Variants in CRPPA observed in about 807,000 individuals in gnomAD.
CRPPA encodes the protein CDP-L-ribitol pyrophosphorylase A.
In CRPPA, 43 loss-of-function variants were observed where a neutral mutation model predicts 52.0. That is an observed-to-expected ratio of 0.83 (90% confidence interval 0.65 to 1.07). The LOEUF is 1.07. CRPPA is among the 50% of genes least tolerant of loss of function. The pLI, the probability that CRPPA is intolerant of heterozygous loss-of-function variation, is 0.00. For synonymous variants in CRPPA, 250 were observed against 203.5 expected (o/e 1.23, Z -1.94); for missense variants, 629 against 551.7 (o/e 1.14, Z -1.40).
chr7:16,390,660 G>C (rs1235146779), intron 2 of CRPPA, among the ~76,000 whole-genome samples: 3 of 152,134 alleles, frequency 2.0e-5, no homozygotes, highest in African/African-American at 7.2e-5. Context: ...AAAAAACTTA[G>C]ACAAGTTTGC....
chr7:16,398,380 T>C (rs370786002), intron 2 of CRPPA, among the ~76,000 whole-genome samples: 213 of 114,306 alleles, frequency 1.9e-3, no homozygotes, highest in African/African-American at 8.3e-3. Flanking sequence ...CAGGGCATGA[T>C]TGACATGTGA....
chr7:16,250,618 C>T (rs955992425), intron 8 of CRPPA, among the ~76,000 whole-genome samples: 3 of 152,120 alleles, frequency 2.0e-5, no homozygotes, highest in South Asian at 4.1e-4. Flanking sequence ...CATATCCAGC[C>T]AAACTAAGCT....
intron 8 of CRPPA, among the ~76,000 whole-genome samples, chr7:16,249,014 G>A (rs1310454169): frequency 6.6e-6 from 1 of 152,126 alleles, no homozygotes; most frequent in Non-Finnish European, 1.5e-5. Context: ...AGATCGACCT[G>A]GGATGCTTGA....
rs1206296972 is a variant in CRPPA, at chr7:16,286,087, TAAAAAAA to T, written c.836-7868_836-7862del. ...TATATATATATATATATATAATATT[TAAAAAAA>T]AAAATATATATATATATATATATGC... is the stretch of plus-strand genomic sequence containing the variant. On this transcript the variant is annotated intron_variant, in intron 5 of 9. Transcript: ENST00000407010. Among the ~76,000 whole-genome samples, 5 of 15,516 alleles carry T rather than the reference TAAAAAAA, an allele frequency of 3.2e-4. 2 individuals carry two copies. The highest frequency in any genetic ancestry group is 1.7e-3 in the African/African-American group (5 of 2,934). 10.2% of individuals were successfully genotyped at this position (15,516 alleles called of 152,430 possible).
At chr7:16,391,501 T>C (rs1787445388) in intron 2 of CRPPA, among the ~76,000 whole-genome samples, 1 of 152,178 alleles carries the variant, frequency 6.6e-6, no homozygotes, top group South Asian at 2.1e-4. Flanking sequence ...CATGATGAGT[T>C]AGATCATGTC....
At chr7:16,205,473 G>A (rs1342532556) in intron 9 of CRPPA, among the ~76,000 whole-genome samples, 1 of 152,184 alleles carries the variant, frequency 6.6e-6, no homozygotes, top group Admixed American at 6.5e-5. Flanking sequence ...TGTTTATGCA[G>A]TTGCTTAAAC....
intron 6 of CRPPA, among the ~76,000 whole-genome samples, chr7:16,275,974 A>T (rs1784194999): frequency 6.6e-6 from 1 of 152,052 alleles, no homozygotes; most frequent in Admixed American, 6.5e-5. Context: ...ATATTTAATA[A>T]GCTAAAAGAA....
In CRPPA at chr7:16,310,107, C is replaced by T. The variant is rs113444683; in HGVS notation, c.685-1480G>A. 3.0e-3 allele frequency among the ~76,000 whole-genome samples: 451 copies of T among 152,070 alleles called. 4 individuals carry two copies. Among genetic ancestry groups the T allele is most frequent in the African/African-American group, 0.01 (423 of 41,458 alleles). ...GATTTTAGACAAGAAAGTTAATGAA[C>T]GAGAGAGGGTATTGCACAAAATGTT... is the stretch of plus-strand genomic sequence containing the variant. On this transcript the variant is annotated intron_variant, in intron 3 of 9. Transcript: ENST00000407010.
chr7:16,272,584 G>A (rs887247520), intron 6 of CRPPA, among the ~76,000 whole-genome samples: 2 of 152,050 alleles, frequency 1.3e-5, no homozygotes, highest in African/African-American at 2.4e-5. Flanking sequence ...GTTAGAATAC[G>A]TTGCATTTTG....
intron 9 of CRPPA, among the ~76,000 whole-genome samples, chr7:16,173,217 T>C (rs905401436): frequency 1.3e-5 from 2 of 152,224 alleles, no homozygotes; most frequent in African/African-American, 2.4e-5. Context: ...GTGGTTCTAG[T>C]GCAGGCTAGG....
intron 3 of CRPPA, among the ~76,000 whole-genome samples, chr7:16,350,456 T>C (rs1208963169): frequency 3.3e-5 from 5 of 152,064 alleles, no homozygotes; most frequent in Non-Finnish European, 7.4e-5. Flanking sequence ...CTACAAATAT[T>C]AAAAAATATA....
intron 9 of CRPPA, among the ~76,000 whole-genome samples, chr7:16,143,154 C>T (rs988107502): frequency 5.3e-5 from 8 of 152,206 alleles, no homozygotes; most frequent in African/African-American, 1.7e-4. Flanking sequence ...CCACCATCAC[C>T]ATTATTATCA....
chr7:16,313,763 G>A (rs10278573), intron 3 of CRPPA, among the ~76,000 whole-genome samples: 132,239 of 151,984 alleles, frequency 0.87, 58,278 homozygotes, highest in Non-Finnish European at 0.94. Context: ...TCTTTTTTAT[G>A]TGTGTTATTT....
chr7:16,190,345 C>A (rs1781582621), intron 9 of CRPPA, among the ~76,000 whole-genome samples: 1 of 152,058 alleles, frequency 6.6e-6, no homozygotes. Flanking sequence ...GTGTAATGCA[C>A]AAAAATTGAG....
intron 3 of CRPPA, among the ~76,000 whole-genome samples, chr7:16,318,295 C>T (rs550342627): frequency 1.6e-4 from 24 of 152,234 alleles, no homozygotes; most frequent in African/African-American, 4.8e-4. Flanking sequence ...CTCAAAATCA[C>T]GTAATCTGTT....
chr7:16,322,460 T>C (rs1490482019), intron 3 of CRPPA, among the ~76,000 whole-genome samples: 1 of 152,064 alleles, frequency 6.6e-6, no homozygotes, highest in African/African-American at 2.4e-5. Context: ...GCCCAGAATA[T>C]GACAGCCTAG....
chr7:16,262,716 C>G (rs1783841441), intron 6 of CRPPA, among the ~76,000 whole-genome samples: 1 of 152,148 alleles, frequency 6.6e-6, no homozygotes, highest in African/African-American at 2.4e-5. Context: ...TTCTCCTTGG[C>G]TCTCACACTT....
At chr7:16,286,080 T>A (rs865935176) in intron 5 of CRPPA, among the ~76,000 whole-genome samples, 2,518 of 17,342 alleles carry the variant, frequency 0.15, 384 homozygotes, top group Non-Finnish European at 0.18. Context: ...TATATATATA[T>A]AATATTTAAA....
intron 9 of CRPPA, among the ~76,000 whole-genome samples, chr7:16,207,241 GA>G (rs1781994839): frequency 1.3e-5 from 2 of 152,140 alleles, no homozygotes; most frequent in Non-Finnish European, 2.9e-5. Flanking sequence ...GATAGCTCCT[GA>G]TTTTGGAAAT....
Sources: allele counts gnomAD v4.1 joint callset (sites outside exome capture counted in the v4.1 genomes callset), GRCh38; gene constraint gnomAD v4.1.1; transcripts MANE v1.5; gene names NCBI Gene and HGNC (gene_info 2026-07-23, HGNC 2026-07-21).